ITGBL1: variants seen among roughly 807,000 people sequenced by gnomAD.
ITGBL1 encodes the protein integrin beta-like protein 1.
ITGBL1 carries 51 observed loss-of-function variants against 68.5 expected under a neutral mutation model. The ratio of observed to expected loss-of-function variants is 0.74; its 90% CI spans 0.59 to 0.94. The LOEUF is 0.94. Among genes scored for constraint, ITGBL1 ranks in the 40% least tolerant of loss-of-function variants. The pLI, the probability that ITGBL1 is intolerant of heterozygous loss-of-function variation, is 0.00. For missense variants in ITGBL1, 649 were observed against 647.4 expected, an observed-to-expected ratio of 1.00 and a Z score of -0.03; for synonymous variants, 209 against 227.3, an observed-to-expected ratio of 0.92 and a Z score of 0.72.
chr13:101,678,819 G>A (rs1379752147), intron 7 of ITGBL1, among the ~76,000 whole-genome samples: 1 of 151,790 alleles, frequency 6.6e-6, no homozygotes, highest in Non-Finnish European at 1.5e-5. Context: ...ATGTTTTAAA[G>A]CGTTAGTACC....
At chr13:101,685,184 G>C (rs1015439586) in intron 7 of ITGBL1, among the ~76,000 whole-genome samples, 1 of 151,940 alleles carries the variant, frequency 6.6e-6, no homozygotes, top group Non-Finnish European at 1.5e-5. Context: ...GGAAAAATCA[G>C]ACACTTCTTA....
chr13:101,523,047 T>C (rs1191895855), intron 2 of ITGBL1, among the ~76,000 whole-genome samples: 1 of 152,184 alleles, frequency 6.6e-6, no homozygotes, highest in African/African-American at 2.4e-5. Context: ...AAGTTAAAAA[T>C]GCAGACAAAT....
chr13:101,463,772 C>A (rs1021801810), intron 2 of ITGBL1, among the ~76,000 whole-genome samples: 2 of 145,018 alleles, frequency 1.4e-5, no homozygotes, highest in African/African-American at 5.7e-5. Context: ...AATAAAAAAA[C>A]AAAATCAAAA....
intron 7 of ITGBL1, among the ~76,000 whole-genome samples, chr13:101,640,805 G>A (rs991683032): frequency 6.6e-6 from 1 of 152,034 alleles, no homozygotes; most frequent in Admixed American, 6.6e-5. Flanking sequence ...AGTCCCCACT[G>A]TCTATTGTTC....
intron 7 of ITGBL1, among the ~76,000 whole-genome samples, chr13:101,630,046 A>G (rs2031925347): frequency 6.6e-6 from 1 of 150,708 alleles, no homozygotes; most frequent in Non-Finnish European, 1.5e-5. Context: ...CTGGTCTTGA[A>G]CTCCTGACCT....
At chr13:101,708,652 A>G (rs2034317050) in intron 9 of ITGBL1, among the ~76,000 whole-genome samples, 5 of 152,228 alleles carry the variant, frequency 3.3e-5, no homozygotes, top group Admixed American at 3.3e-4. Flanking sequence ...ACTTTTTGGC[A>G]GAACTTCAGA....
chr13:101,673,188 T>C (rs1304368996), intron 7 of ITGBL1, among the ~76,000 whole-genome samples: 1 of 152,234 alleles, frequency 6.6e-6, no homozygotes, highest in Non-Finnish European at 1.5e-5. Context: ...TTTTCCTTGC[T>C]TGTGCCTACC....
chr13:101,476,078 AATATTT>A (rs1355582947), intron 2 of ITGBL1, among the ~76,000 whole-genome samples: 2 of 152,192 alleles, frequency 1.3e-5, no homozygotes, highest in Non-Finnish European at 2.9e-5. Context: ...TTGTGTGTAA[AATATTT>A]ATATTTTGAG....
intron 2 of ITGBL1, among the ~76,000 whole-genome samples, chr13:101,456,189 C>T (rs1020617995): frequency 1.3e-5 from 2 of 152,166 alleles, no homozygotes; most frequent in Admixed American, 1.3e-4. Flanking sequence ...AGATGAAATG[C>T]TTCTCTTTAT....
chr13:101,464,114 G>T (rs1360845757), intron 2 of ITGBL1, among the ~76,000 whole-genome samples: 1 of 151,872 alleles, frequency 6.6e-6, no homozygotes, highest in Non-Finnish European at 1.5e-5. Context: ...GGCCAGGCTG[G>T]TCTGAAACTC....
intron 2 of ITGBL1, among the ~76,000 whole-genome samples, chr13:101,484,620 A>T (rs1419425454): frequency 6.6e-6 from 1 of 152,172 alleles, no homozygotes; most frequent in Non-Finnish European, 1.5e-5. Flanking sequence ...TAGGATTACA[A>T]GTGCAGTTTT....
intron 6 of ITGBL1, among the ~76,000 whole-genome samples, chr13:101,593,227 C>A (rs929767027): frequency 6.8e-6 from 1 of 148,102 alleles, no homozygotes; most frequent in East Asian, 2.0e-4. Flanking sequence ...CAGTTAGAAT[C>A]GGTTTTATTA....
rs547351684 is a variant in ITGBL1, at chr13:101,475,987, C to T, written c.316+21887C>T. Among the ~76,000 whole-genome samples the T allele has an allele frequency of 3.3e-5, 5 of 152,056 alleles. No individual in the cohort carries two copies. The South Asian group carries it at 1.0e-3, about 32-fold the overall frequency. Reference sequence around the variant, plus strand: ...TCTAAAAGAAAAGGATGTTAACAAGCAATAAGAAATTATCTGAAGGTACAA... The same window carrying T: ...TCTAAAAGAAAAGGATGTTAACAAGTAATAAGAAATTATCTGAAGGTACAA... On this transcript the variant is annotated intron_variant, in intron 2 of 10. Transcript: ENST00000376180.
chr13:101,605,517 T>C (rs62637924), intron 7 of ITGBL1, among the ~76,000 whole-genome samples: 108,192 of 118,506 alleles, frequency 0.91, 50,517 homozygotes, highest in Non-Finnish European at 0.97. Context: ...CGTATACACA[T>C]ATAGACATAT....
intron 2 of ITGBL1, among the ~76,000 whole-genome samples, chr13:101,562,254 AACAG>A: frequency 6.7e-6 from 1 of 148,258 alleles, no homozygotes; most frequent in African/African-American, 2.6e-5. Context: ...CAATAAACAA[AACAG>A]AAAGCAGAAA....
intron 9 of ITGBL1, chr13:101,713,749 GT>G (rs1566804513): frequency 6.6e-6 from 1 of 152,100 alleles, no homozygotes; most frequent in Non-Finnish European, 1.5e-5. Context: ...CAAAGAGGAA[GT>G]TTTTTAGTTA....
chr13:101,664,908 A>G (rs2033177225), intron 7 of ITGBL1, among the ~76,000 whole-genome samples: 1 of 152,116 alleles, frequency 6.6e-6, no homozygotes, highest in African/African-American at 2.4e-5. Context: ...TGATTTTTGT[A>G]TTTTTAGTAG....
At chr13:101,520,862 ACT>A (rs1476138403) in intron 2 of ITGBL1, among the ~76,000 whole-genome samples, 1 of 152,192 alleles carries the variant, frequency 6.6e-6, no homozygotes, top group East Asian at 1.9e-4. Flanking sequence ...ATGTGCTTCC[ACT>A]CAAACCCATT....
downstream of ITGBL1, chr13:101,720,458 CA>C (rs1425410838): frequency 6.6e-6 from 1 of 151,880 alleles, no homozygotes. Flanking sequence ...AACCAATAAA[CA>C]GACTTGCAGG....
Sources: gnomAD v4.1 joint callset for allele counts (sites outside exome capture counted in the v4.1 genomes callset) on GRCh38, gnomAD v4.1.1 for gene constraint, MANE v1.5 for transcripts, NCBI Gene and HGNC (gene_info 2026-07-23, HGNC 2026-07-21) for gene names.